NCALD: variants seen among roughly 807,000 people sequenced by gnomAD.
NCALD encodes the protein neurocalcin-delta.
NCALD carries 10 observed loss-of-function variants against 18.6 expected under a neutral mutation model. The observed-to-expected ratio is 0.54, with a 90% CI of 0.33 to 0.91. The LOEUF (loss-of-function observed/expected upper bound fraction) is 0.91, where lower values mean the gene tolerates loss of function less well. Ranked by LOEUF, NCALD falls within the 40% of genes least tolerant of loss-of-function variation. The pLI is 0.03. For synonymous variants in NCALD, 88 were observed against 87.4 expected (o/e 1.01, Z -0.04); for missense variants, 184 against 247.6 (o/e 0.74, Z 1.72).
At chr8:102,037,875 T>C (rs1367091110) in intron 1 of NCALD, among the ~76,000 whole-genome samples, 1 of 152,122 alleles carries the variant, frequency 6.6e-6, no homozygotes, top group Non-Finnish European at 1.5e-5. Context: ...GAGTAAACAA[T>C]CCTGGATCTG....
intron 1 of NCALD, among the ~76,000 whole-genome samples, chr8:101,736,413 T>C (rs551944296): frequency 9.6e-4 from 146 of 152,296 alleles, no homozygotes; most frequent in Non-Finnish European, 1.7e-3. Context: ...GGAACAGAAT[T>C]CCTATTTGTG....
intron 2 of NCALD, among the ~76,000 whole-genome samples, chr8:101,985,880 A>C (rs558356946): frequency 1.3e-5 from 2 of 152,154 alleles, no homozygotes; most frequent in Non-Finnish European, 2.9e-5. Flanking sequence ...TGGAAGCCTT[A>C]GGGACTCTTT....
chr8:102,099,791 C>CA (rs1715531679), intron 1 of NCALD, among the ~76,000 whole-genome samples: 3 of 151,298 alleles, frequency 2.0e-5, no homozygotes, highest in Admixed American at 6.6e-5. Flanking sequence ...TAAAATTACC[C>CA]AAAAAAACCC....
chr8:102,040,665 A>T (rs1586965219), intron 1 of NCALD, among the ~76,000 whole-genome samples: 1 of 150,764 alleles, frequency 6.6e-6, no homozygotes, highest in East Asian at 1.9e-4. Context: ...TCCAGAAAGG[A>T]TCCTGGGATG....
chr8:101,727,879 C>T (rs1014455670), intron 1 of NCALD, among the ~76,000 whole-genome samples: 1 of 152,200 alleles, frequency 6.6e-6, no homozygotes, highest in Non-Finnish European at 1.5e-5. Context: ...TGCTTTGATC[C>T]TGCATTTCCT....
intron 2 of NCALD, among the ~76,000 whole-genome samples, chr8:101,966,094 ACT>A (rs781245744): frequency 2.0e-5 from 3 of 151,480 alleles, no homozygotes; most frequent in South Asian, 2.1e-4. Context: ...AATAAAAAAT[ACT>A]CTGATAAAAA....
intron 1 of NCALD, among the ~76,000 whole-genome samples, chr8:102,050,203 G>C (rs893350876): frequency 1.9e-5 from 2 of 103,128 alleles, no homozygotes; most frequent in Non-Finnish European, 4.0e-5. Flanking sequence ...AAATTGAGCT[G>C]TTTTCTAATC....
intron 4 of NCALD, among the ~76,000 whole-genome samples, chr8:101,850,456 T>C (rs1258619550): frequency 6.6e-6 from 1 of 152,206 alleles, no homozygotes; most frequent in East Asian, 1.9e-4. Context: ...ACACTTATTT[T>C]AAAGAAGAAC....
chr8:101,898,779 G>C lies in NCALD; in HGVS notation c.-106-11552C>G, dbSNP rs148898825. Among the ~76,000 whole-genome samples, 86 of 152,164 alleles carry C rather than the reference G, an allele frequency of 5.7e-4. No individual in the cohort carries two copies. In the East Asian group the frequency reaches 0.016, roughly 28 times the overall value. ...GCTAATTCCACACAGTCTTGACTAC[G>C]ATAGCTATACTAATTTTGAAATTAG... is the stretch of plus-strand genomic sequence containing the variant. On this transcript the variant is annotated intron_variant, in intron 3 of 6. Transcript: ENST00000311028.
At chr8:102,078,477 G>A (rs1587033626) in intron 1 of NCALD, among the ~76,000 whole-genome samples, 1 of 152,166 alleles carries the variant, frequency 6.6e-6, no homozygotes, top group East Asian at 1.9e-4. Flanking sequence ...TAGAAAAAAA[G>A]TCCAAATGTC....
At chr8:101,899,853 G>GT (rs552174715) in intron 3 of NCALD, among the ~76,000 whole-genome samples, 13 of 151,692 alleles carry the variant, frequency 8.6e-5, no homozygotes, top group Non-Finnish European at 1.8e-4. Context: ...GCTTTTTCTA[G>GT]TTTTGGTATC....
At chr8:102,038,233 A>T (rs970103175) in intron 1 of NCALD, among the ~76,000 whole-genome samples, 8 of 152,178 alleles carry the variant, frequency 5.3e-5, no homozygotes, top group Non-Finnish European at 1.0e-4. Context: ...GGAAAAGGAC[A>T]AGTGAGATGT....
chr8:101,808,338 C>G (rs942073644), intron 4 of NCALD, among the ~76,000 whole-genome samples: 12 of 152,126 alleles, frequency 7.9e-5, no homozygotes, highest in Non-Finnish European at 1.8e-4. Context: ...TATGATGAAC[C>G]AAATGTCTCC....
At chr8:101,907,478 TTTA>T (rs1380678344) in intron 3 of NCALD, among the ~76,000 whole-genome samples, 1 of 150,992 alleles carries the variant, frequency 6.6e-6, no homozygotes, top group Admixed American at 6.6e-5. Context: ...TTTATTAAAT[TTTA>T]TTATTTTATT....
At chr8:101,996,915 G>A (rs1821259573) in intron 2 of NCALD, among the ~76,000 whole-genome samples, 1 of 152,232 alleles carries the variant, frequency 6.6e-6, no homozygotes, top group Non-Finnish European at 1.5e-5. Flanking sequence ...TTAGGTTAAA[G>A]CACAAGCTAG....
intron 4 of NCALD, among the ~76,000 whole-genome samples, chr8:101,820,512 G>A (rs1813677573): frequency 6.6e-6 from 1 of 152,170 alleles, no homozygotes; most frequent in African/African-American, 2.4e-5. Context: ...TGAATTTAGA[G>A]AACTGTCTCA....
intron 2 of NCALD, among the ~76,000 whole-genome samples, chr8:101,916,238 T>G (rs752339465): frequency 6.6e-6 from 1 of 152,098 alleles, no homozygotes; most frequent in African/African-American, 2.4e-5. Flanking sequence ...GTATCAAAGT[T>G]TAGGGATATT....
intron 2 of NCALD, among the ~76,000 whole-genome samples, chr8:101,959,681 C>T (rs1819765284): frequency 6.6e-6 from 1 of 152,140 alleles, no homozygotes; most frequent in Non-Finnish European, 1.5e-5. Context: ...TTCTTTGAGG[C>T]TTACTTTTTG....
intron 4 of NCALD, among the ~76,000 whole-genome samples, chr8:101,868,151 G>A (rs1464784600): frequency 6.6e-6 from 1 of 152,128 alleles, no homozygotes; most frequent in Non-Finnish European, 1.5e-5. Context: ...TTGCCTGGCT[G>A]TTGGAGGAAC....
Sources: allele counts gnomAD v4.1 joint callset (sites outside exome capture counted in the v4.1 genomes callset), GRCh38; gene constraint gnomAD v4.1.1; transcripts MANE v1.5; gene names NCBI Gene and HGNC (gene_info 2026-07-23, HGNC 2026-07-21).